HMGN3: variants seen among roughly 807,000 people sequenced by gnomAD.
The protein encoded by HMGN3 is high mobility group nucleosomal binding domain 3.
Under a neutral mutation model 18.8 loss-of-function variants are expected in HMGN3, and 6 were observed. The ratio of observed to expected loss-of-function variants is 0.32; its 90% CI spans 0.18 to 0.63. The LOEUF (loss-of-function observed/expected upper bound fraction) is 0.63. Among genes scored for constraint, HMGN3 ranks in the 30% least tolerant of loss-of-function variants. The probability of loss-of-function intolerance (pLI) is 0.79; values close to 1 mark genes in which losing one functional copy is unlikely to be tolerated. For synonymous variants in HMGN3, 40 were observed against 36.5 expected, an observed-to-expected ratio of 1.10 and a Z score of -0.35; for missense variants, 107 against 114.2, an observed-to-expected ratio of 0.94 and a Z score of 0.29.
At chr6:79,211,514 G>C in intron 2 of HMGN3, among the ~76,000 whole-genome samples, 1 of 148,104 alleles carries the variant, frequency 6.8e-6, no homozygotes. Flanking sequence ...AAGTGGTCCA[G>C]AGACTGCTCC....
chr6:79,224,948 G>C (rs1777493660), intron 1 of HMGN3, among the ~76,000 whole-genome samples: 1 of 152,174 alleles, frequency 6.6e-6, no homozygotes, highest in African/African-American at 2.4e-5. Flanking sequence ...ATCTACATAT[G>C]GTTGCTTAGG....
intron 1 of HMGN3, among the ~76,000 whole-genome samples, chr6:79,232,796 C>T (rs983468007): frequency 6.6e-6 from 1 of 152,094 alleles, no homozygotes. Flanking sequence ...AAAAGATGGC[C>T]TCCAGCTCAC....
At chr6:79,222,603 T>A (rs1462131220) in intron 1 of HMGN3, among the ~76,000 whole-genome samples, 1 of 152,226 alleles carries the variant, frequency 6.6e-6, no homozygotes. Flanking sequence ...AACAATGGCT[T>A]GGTTGTTTTT....
At chr6:79,211,826 G>C (rs1026526665) in intron 2 of HMGN3, among the ~76,000 whole-genome samples, 5 of 151,946 alleles carry the variant, frequency 3.3e-5, no homozygotes, top group Admixed American at 2.6e-4. Flanking sequence ...TTAATATCCT[G>C]GTTGCAAAAG....
At chr6:79,229,318 T>C (rs1428831912) in intron 1 of HMGN3, among the ~76,000 whole-genome samples, 1 of 152,210 alleles carries the variant, frequency 6.6e-6, no homozygotes, top group African/African-American at 2.4e-5. Flanking sequence ...AAGGGACTTG[T>C]ATCTCAGACT....
At chr6:79,234,242 A>C in intron 1 of HMGN3, 1 of 315,220 alleles carries the variant, frequency 3.2e-6, no homozygotes, top group Non-Finnish European at 5.8e-6. Context: ...CCCTTTCGGA[A>C]TGGAAAGCCG....
chr6:79,219,274 T>C (rs1227493468), intron 1 of HMGN3, among the ~76,000 whole-genome samples: 1 of 152,114 alleles, frequency 6.6e-6, no homozygotes, highest in Non-Finnish European at 1.5e-5. Flanking sequence ...CAACAACAAA[T>C]ACAAATGTAT....
intron 3 of HMGN3, among the ~76,000 whole-genome samples, chr6:79,205,726 T>A (rs1164908693): frequency 6.6e-6 from 1 of 151,982 alleles, no homozygotes; most frequent in Non-Finnish European, 1.5e-5. Context: ...CAGACAGAGG[T>A]TGGAACAGTT....
At chr6:79,229,298 T>C (rs1409463071) in intron 1 of HMGN3, among the ~76,000 whole-genome samples, 1 of 152,196 alleles carries the variant, frequency 6.6e-6, no homozygotes, top group Non-Finnish European at 1.5e-5. Context: ...CTACGAATCA[T>C]ATATCTGATA....
intron 1 of HMGN3, among the ~76,000 whole-genome samples, chr6:79,224,268 T>C (rs1777451543): frequency 6.6e-6 from 1 of 152,182 alleles, no homozygotes; most frequent in South Asian, 2.1e-4. Context: ...CACTACACCA[T>C]TCAAAGTGGT....
At chr6:79,229,967 A>T (rs146662951) in intron 1 of HMGN3, among the ~76,000 whole-genome samples, 1 of 152,340 alleles carries the variant, frequency 6.6e-6, no homozygotes, top group Non-Finnish European at 1.5e-5. Context: ...ATATATGTCC[A>T]TGCAATCACT....
At chr6:79,206,988 T>A (rs536727567) in intron 3 of HMGN3, among the ~76,000 whole-genome samples, 2 of 152,336 alleles carry the variant, frequency 1.3e-5, no homozygotes, top group African/African-American at 4.8e-5. Context: ...GTAGCCCCTA[T>A]GTTTTGGCCA....
At chr6:79,208,006 G>C (rs944550829) in intron 3 of HMGN3, among the ~76,000 whole-genome samples, 1 of 152,100 alleles carries the variant, frequency 6.6e-6, no homozygotes, top group Non-Finnish European at 1.5e-5. Context: ...CACCTCAGAG[G>C]CTCAGCCACA....
At chr6:79,232,061 G>A (rs1264440649) in intron 1 of HMGN3, among the ~76,000 whole-genome samples, 1 of 152,044 alleles carries the variant, frequency 6.6e-6, no homozygotes, top group African/African-American at 2.4e-5. Context: ...GTTGATACAG[G>A]GGGCTAAGAA....
intron 1 of HMGN3, among the ~76,000 whole-genome samples, chr6:79,222,708 T>C (rs1280213969): frequency 6.6e-6 from 1 of 152,198 alleles, no homozygotes; most frequent in African/African-American, 2.4e-5. Context: ...GAGAGGTCCC[T>C]TCATGGGATT....
At chr6:79,210,209 A>C (rs1776616593) in intron 2 of HMGN3, among the ~76,000 whole-genome samples, 1 of 152,142 alleles carries the variant, frequency 6.6e-6, no homozygotes, top group African/African-American at 2.4e-5. Flanking sequence ...TTTTCAAGTA[A>C]ACCGGGCAAT....
chr6:79,215,428 T>C (rs1284905878), intron 1 of HMGN3, among the ~76,000 whole-genome samples: 1 of 152,260 alleles, frequency 6.6e-6, no homozygotes, highest in Non-Finnish European at 1.5e-5. Flanking sequence ...GGCAGGATGC[T>C]GGTAAAGCCC....
At position 79,209,049 on chromosome 6, in the gene HMGN3, C is replaced by T. The variant is rs560421964; in HGVS notation, c.67-473G>A. Among the ~76,000 whole-genome samples, 5 of 152,252 alleles carry T rather than the reference C, an allele frequency of 3.3e-5. No individual in the cohort carries two copies. The East Asian group carries it at 7.7e-4, about 23-fold the overall frequency. ...AAAATAGCAGGAGTTCCCCATCTTGCTGCTATGTTAGAAATGAAAATGACT... is the reference window on the plus strand; with the variant it reads ...AAAATAGCAGGAGTTCCCCATCTTGTTGCTATGTTAGAAATGAAAATGACT... On this transcript the variant is annotated intron_variant, in intron 2 of 5. Transcript: ENST00000344726.
chr6:79,205,825 T>C (rs1776398715), intron 3 of HMGN3, among the ~76,000 whole-genome samples: 1 of 152,230 alleles, frequency 6.6e-6, no homozygotes, highest in Non-Finnish European at 1.5e-5. Flanking sequence ...CCTAAAGATT[T>C]GTTGAATGGC....
Sources: gnomAD v4.1 joint callset for allele counts (sites outside exome capture counted in the v4.1 genomes callset) on GRCh38, gnomAD v4.1.1 for gene constraint, MANE v1.5 for transcripts, NCBI Gene and HGNC (gene_info 2026-07-23, HGNC 2026-07-21) for gene names.